Variants in IFT140 observed in about 807,000 individuals in gnomAD.
The protein encoded by IFT140 is intraflagellar transport protein 140 homolog.
Under a neutral mutation model 164.6 loss-of-function variants are expected in IFT140, and 133 were observed. The observed-to-expected ratio is 0.81, with a 90% confidence interval of 0.70 to 0.93. The LOEUF is 0.93. Among genes scored for constraint, IFT140 ranks in the 40% least tolerant of loss-of-function variants. IFT140 has a pLI of 0.00. For synonymous variants in IFT140, 860 were observed against 817.3 expected, an observed-to-expected ratio of 1.05 and a Z score of -0.89; for missense variants, 2,045 against 1,972.3, an observed-to-expected ratio of 1.04 and a Z score of -0.70.
In IFT140 at chr16:1,584,246, T is replaced by C. The variant is rs749322722; in HGVS notation, c.1330A>G (p.Met444Val). The C allele has an allele frequency of 1.5e-5, 24 of 1,613,710 alleles. No homozygotes were observed. The highest frequency in any genetic ancestry group is 1.9e-5 in the Non-Finnish European group (23 of 1,179,996). The change falls in exon 11 of 31, where the codon ATG (methionine) becomes GTG (valine). Residue 444 changes from methionine (M) to valine (V), a missense_variant. By Grantham distance (21) the Met-to-Val change is conservative (BLOSUM62 1). Coordinates refer to ENST00000426508, the MANE Select transcript of IFT140 (RefSeq NM_014714.4). ...GTGGCAAACACTCCACTGATGTGCA[T>C]GTCGGTGCGCAGGCTGTGTGCGACC... Reference protein sequence around the residue: ...TGVAHSLRTDMHISGVFATKD... With the variant: ...TGVAHSLRTDVHISGVFATKD...
At chr16:1,511,913 G>A (rs1003547820) in intron 30 of IFT140, among the ~76,000 whole-genome samples, 4 of 151,850 alleles carry the variant, frequency 2.6e-5, no homozygotes, top group African/African-American at 9.7e-5. Context: ...TGCAGTGGCA[G>A]AATTCAGAGA....
intron 30 of IFT140, among the ~76,000 whole-genome samples, chr16:1,511,500 C>T (rs1324712835): frequency 2.0e-5 from 3 of 152,076 alleles, no homozygotes; most frequent in Non-Finnish European, 2.9e-5. Context: ...AGAGGCCCCG[C>T]GTTCTGCACT....
At chr16:1,601,602 T>C (rs1422673070) in intron 4 of IFT140, among the ~76,000 whole-genome samples, 1 of 152,170 alleles carries the variant, frequency 6.6e-6, no homozygotes, top group East Asian at 1.9e-4. Context: ...CGAATCGACA[T>C]GGAGGGTGGA....
chr16:1,605,219 C>A (rs2035997451), intron 3 of IFT140, among the ~76,000 whole-genome samples: 2 of 152,104 alleles, frequency 1.3e-5, no homozygotes, highest in Non-Finnish European at 2.9e-5. Context: ...GAACGCCCTA[C>A]CCCTGCGCTC....
chr16:1,597,413 G>A lies in IFT140; in HGVS notation c.370-4825C>T, dbSNP rs759547775. 1.1e-4 allele frequency among the ~76,000 whole-genome samples: 17 copies of A among 152,172 alleles called. No homozygotes were observed. In the East Asian group the frequency reaches 1.2e-3, roughly 10 times the overall value. On this transcript the variant is annotated intron_variant, in intron 4 of 30. Coordinates refer to ENST00000426508, the MANE Select transcript of IFT140 (RefSeq NM_014714.4). ...TTGGGACAGGGAGCAGGAGCAGGCC[G>A]TCCTAACCTGGCCGTGCTCTCCTGG...
rs2034677787 is a variant in IFT140 at position 1,583,320 on chromosome 16, T to C, written c.1426A>G (p.Ser476Gly). The change falls in exon 12 of 31, where the codon AGT (serine) becomes GGT (glycine). Residue 476 changes from serine (S) to glycine (G), a missense_variant. Ser to Gly is a moderately conservative substitution (Grantham distance 56, BLOSUM62 0). Transcript: ENST00000426508. ...CCGGGTGAAAAGAACCCACCTGCAC[T>C]CCGTATCGCGGCTCCAGAAAGCTCG... is the stretch of plus-strand genomic sequence containing the variant. Reference protein sequence around the residue: ...IFELSGAAIRSAGTFLCETPV... With the variant: ...IFELSGAAIRGAGTFLCETPV... The C allele has an allele frequency of 6.2e-7, 1 of 1,613,956 alleles. No homozygotes were observed. The highest frequency in any genetic ancestry group is 8.5e-7 in the Non-Finnish European group (1 of 1,179,954).
chr16:1,578,607 C>A (rs1251130728), intron 13 of IFT140, among the ~76,000 whole-genome samples: 1 of 150,780 alleles, frequency 6.6e-6, no homozygotes, highest in African/African-American at 2.4e-5. Flanking sequence ...CATGGCCGGG[C>A]GTGGTGGCTC....
At chr16:1,538,924 C>G (rs1411612442) in intron 19 of IFT140, among the ~76,000 whole-genome samples, 1 of 152,186 alleles carries the variant, frequency 6.6e-6, no homozygotes, top group Non-Finnish European at 1.5e-5. Context: ...CTGGTCCCAT[C>G]TGCACAGGCC....
chr16:1,601,079 A>G lies in IFT140; in HGVS notation c.369+1291T>C, dbSNP rs150402440. ...GCAGCTTGAAACCAGCCTGGCCCAC[A>G]TGGTGAAACCCCGTCTCTACTAAAC... is the stretch of plus-strand genomic sequence containing the variant. On this transcript the variant is annotated intron_variant, in intron 4 of 30. Coordinates refer to ENST00000426508, the MANE Select transcript of IFT140 (RefSeq NM_014714.4). Among the ~76,000 whole-genome samples the G allele has an allele frequency of 1.7e-3, 254 of 152,188 alleles. 2 individuals carry two copies. Among genetic ancestry groups the G allele is most frequent in the African/African-American group, 5.6e-3 (232 of 41,536 alleles).
At chr16:1,602,270 T>A in intron 4 of IFT140, 100 bp downstream of exon 4, 1 of 1,019,322 alleles carries the variant, frequency 9.8e-7, no homozygotes, top group Non-Finnish European at 1.5e-6. Context: ...TCAACTGAAT[T>A]TGGCAACAGC....
chr16:1,563,228 G>A (rs546022402), intron 17 of IFT140, among the ~76,000 whole-genome samples: 8 of 152,098 alleles, frequency 5.3e-5, no homozygotes, highest in African/African-American at 1.7e-4. Flanking sequence ...GTGTCCTCCC[G>A]CTCAGCGCCT....
In IFT140 at chr16:1,589,853, A is replaced by C. The variant is rs367866844; in HGVS notation, c.635-73T>G. The C allele has an allele frequency of 1.4e-4, 188 of 1,343,740 alleles. 1 individual carries two copies. The South Asian group carries it at 2.3e-3, about 16-fold the overall frequency. The allele number at this position is 1,343,740 out of a possible 1,614,324, so 83.2% of individuals were successfully genotyped here. On this transcript the variant is annotated intron_variant, in intron 6 of 30. Transcript: ENST00000426508. The stretch of plus-strand genomic sequence containing the variant: ...GCTTCCATGACCCTCACCAGCAGCC[A>C]TTTCTATCAACTTAAGGACATTTTC...
In IFT140 at chr16:1,541,965, G is replaced by A. The variant is rs746643673; in HGVS notation, c.2400-15169C>T. 16 of 1,610,322 alleles carry A rather than the reference G, an allele frequency of 9.9e-6. No individual in the cohort carries two copies. The Admixed American group carries it at 1.0e-4, about 10-fold the overall frequency. ...CGCCTGCAACCTGGTGGCCACGGCC[G>A]CGCTCACCGCAGGCCAGCTCACCTT... is the stretch of plus-strand genomic sequence containing the variant. On this transcript the variant is annotated intron_variant, in intron 19 of 30. Transcript: ENST00000426508.
chr16:1,510,784 C>T lies in IFT140; in HGVS notation c.*160G>A, dbSNP rs1453217211. The T allele has an allele frequency of 1.4e-6, 1 of 698,908 alleles. No individual in the cohort carries two copies. Among genetic ancestry groups the T allele is most frequent in the Non-Finnish European group, 2.5e-6 (1 of 404,458 alleles). The allele number at this position is 698,908 out of a possible 1,614,324, so 43.3% of individuals were successfully genotyped here. On this transcript the variant is annotated 3_prime_UTR_variant, in exon 31 of 31. Transcript: ENST00000426508. ...GAGCAAGGTGCAGACGGGTCACACC[C>T]TCCGCCGGCCCGGGCCGCTGCGTTC...
chr16:1,534,294 G>T (rs761624608), intron 19 of IFT140: 1 of 1,612,306 alleles, frequency 6.2e-7, no homozygotes, highest in Non-Finnish European at 8.5e-7. Context: ...GCAGAGACTC[G>T]TGGCCGCGGC....
chr16:1,599,648 G>A (rs1596456138), intron 4 of IFT140, among the ~76,000 whole-genome samples: 1 of 60,662 alleles, frequency 1.6e-5, no homozygotes, highest in Admixed American at 1.2e-4. Flanking sequence ...CGGGAGGGAG[G>A]TGGGGGGGGT....
intron 19 of IFT140, among the ~76,000 whole-genome samples, chr16:1,552,238 G>A (rs372525145): frequency 1.3e-3 from 199 of 152,266 alleles, no homozygotes; most frequent in African/African-American, 4.6e-3. Context: ...AGTTACTGCC[G>A]GTATAACCTC....
chr16:1,569,757 ATT>A (rs57236076), intron 14 of IFT140, among the ~76,000 whole-genome samples: 1 of 146,074 alleles, frequency 6.8e-6, no homozygotes. Flanking sequence ...TGCCTGGCTA[ATT>A]TTTTTTTTTT....
At chr16:1,583,955 G>A (rs1033999292) in intron 11 of IFT140, among the ~76,000 whole-genome samples, 4 of 152,100 alleles carry the variant, frequency 2.6e-5, no homozygotes, top group Non-Finnish European at 4.4e-5. Context: ...GGCTGGTCTC[G>A]AACTCCTGAC....
Sources: allele counts gnomAD v4.1 joint callset (sites outside exome capture counted in the v4.1 genomes callset), GRCh38; gene constraint gnomAD v4.1.1; transcripts MANE v1.5; gene names NCBI Gene and HGNC (gene_info 2026-07-23, HGNC 2026-07-21).